The following AUTS2 variants were observed in gnomAD, a reference collection of about 807,000 sequenced individuals.
The protein encoded by AUTS2 is autism susceptibility gene 2 protein.
A neutral mutation model predicts 112.4 loss-of-function variants in AUTS2; 17 were observed. The observed-to-expected ratio is 0.15, with a 90% CI of 0.10 to 0.23. The LOEUF (loss-of-function observed/expected upper bound fraction) is 0.23. AUTS2 is among the 10% of genes least tolerant of loss of function. The pLI is 1.00. For synonymous variants in AUTS2, 751 were observed against 702.7 expected (o/e 1.07, Z -1.09); for missense variants, 1,510 against 1,701.6 (o/e 0.89, Z 1.98).
chr7:70,519,815 T>A (rs970486656), intron 5 of AUTS2, among the ~76,000 whole-genome samples: 3 of 152,114 alleles, frequency 2.0e-5, no homozygotes, highest in Non-Finnish European at 2.9e-5. Context: ...CAGCTTCTAC[T>A]TGATTGGGTG....
intron 4 of AUTS2, among the ~76,000 whole-genome samples, chr7:70,355,791 C>G (rs977504349): frequency 1.7e-4 from 26 of 152,094 alleles, no homozygotes; most frequent in African/African-American, 6.0e-4. Flanking sequence ...TATTCTCAAC[C>G]TAAAAAAAGA....
chr7:69,706,340 C>T (rs1196598464), intron 1 of AUTS2, among the ~76,000 whole-genome samples: 5 of 152,084 alleles, frequency 3.3e-5, no homozygotes, highest in Admixed American at 6.5e-5. Context: ...TGTTGGAGGG[C>T]CCAGGGAATA....
At chr7:70,740,470 T>C (rs1383779195) in intron 6 of AUTS2, among the ~76,000 whole-genome samples, 1 of 152,186 alleles carries the variant, frequency 6.6e-6, no homozygotes, top group Non-Finnish European at 1.5e-5. Flanking sequence ...TATGGCTCTT[T>C]ATGTCTTTCC....
chr7:69,819,071 G>A (rs1790877971), intron 1 of AUTS2, among the ~76,000 whole-genome samples: 1 of 152,180 alleles, frequency 6.6e-6, no homozygotes, highest in Non-Finnish European at 1.5e-5. Context: ...GTGTGCCTGA[G>A]TTTTGTGGAA....
chr7:70,022,109 C>A (rs972484176), intron 2 of AUTS2, among the ~76,000 whole-genome samples: 8 of 148,750 alleles, frequency 5.4e-5, no homozygotes, highest in African/African-American at 2.0e-4. Flanking sequence ...TAAGAAGAGG[C>A]TACTAGATGA....
At chr7:70,096,057 C>G (rs886194661) in intron 2 of AUTS2, among the ~76,000 whole-genome samples, 2 of 152,178 alleles carry the variant, frequency 1.3e-5, no homozygotes, top group Non-Finnish European at 2.9e-5. Context: ...ACCTACCCTT[C>G]TCTCCAGCTG....
At chr7:69,924,490 G>C (rs1795927863) in intron 2 of AUTS2, among the ~76,000 whole-genome samples, 1 of 150,814 alleles carries the variant, frequency 6.6e-6, no homozygotes, top group Non-Finnish European at 1.5e-5. Context: ...TCTTAGAAGA[G>C]TTTGTGTAGA....
intron 5 of AUTS2, among the ~76,000 whole-genome samples, chr7:70,627,778 G>A (rs1805027105): frequency 6.6e-6 from 1 of 152,204 alleles, no homozygotes; most frequent in Non-Finnish European, 1.5e-5. Context: ...TTTACTAGAT[G>A]TGCATTTAGC....
intron 5 of AUTS2, among the ~76,000 whole-genome samples, chr7:70,445,046 A>G (rs556792011): frequency 6.6e-6 from 1 of 152,222 alleles, no homozygotes; most frequent in Non-Finnish European, 1.5e-5. Flanking sequence ...AGAACATTGC[A>G]TTATTCAAAA....
rs372075336 is a variant in AUTS2, at chr7:70,000,973, A to G, written c.522+101475A>G. 9.8e-5 allele frequency among the ~76,000 whole-genome samples: 15 copies of G among 152,324 alleles called. No individual in the cohort carries two copies. The South Asian group carries it at 2.7e-3, about 27-fold the overall frequency. ...GCATTCAACCCAGCCTTCTGCCAGG[A>G]TGGTTCTGCCTGGCAGCAAAAAGCC... is the stretch of plus-strand genomic sequence containing the variant. On this transcript the variant is annotated intron_variant, in intron 2 of 18. Transcript: ENST00000342771.
At chr7:70,121,245 T>G (rs925395048) in intron 3 of AUTS2, among the ~76,000 whole-genome samples, 3 of 152,144 alleles carry the variant, frequency 2.0e-5, no homozygotes, top group African/African-American at 7.2e-5. Flanking sequence ...CATAAAACTC[T>G]TAGAAGAAAA....
intron 1 of AUTS2, among the ~76,000 whole-genome samples, chr7:69,616,489 C>T (rs1793381649): frequency 6.6e-6 from 1 of 152,084 alleles, no homozygotes; most frequent in Non-Finnish European, 1.5e-5. Flanking sequence ...CCCCCTGAAT[C>T]CTGCCCTTTG....
chr7:70,771,475 A>G (rs550788702), intron 10 of AUTS2, 74 bp from the exon 11 acceptor site: 8 of 1,290,362 alleles, frequency 6.2e-6, no homozygotes, highest in African/African-American at 1.5e-5. Context: ...ATGTCTTTCT[A>G]TGGGACGGGA....
chr7:70,642,033 A>G (rs1285235621), intron 5 of AUTS2, among the ~76,000 whole-genome samples: 2 of 152,214 alleles, frequency 1.3e-5, no homozygotes, highest in Admixed American at 6.5e-5. Context: ...GTGTCTATTT[A>G]TGGAATTCTG....
chr7:69,884,652 G>A (rs904266205), intron 1 of AUTS2, among the ~76,000 whole-genome samples: 2 of 152,128 alleles, frequency 1.3e-5, no homozygotes. Context: ...CTATCTATAG[G>A]AAGCTTTGGC....
chr7:70,530,995 G>A (rs1408224631), intron 5 of AUTS2, among the ~76,000 whole-genome samples: 1 of 152,176 alleles, frequency 6.6e-6, no homozygotes, highest in Non-Finnish European at 1.5e-5. Context: ...AAGTAGGCAG[G>A]CCTCATGGAT....
chr7:70,191,229 G>T (rs570377296), intron 4 of AUTS2, among the ~76,000 whole-genome samples: 55 of 141,264 alleles, frequency 3.9e-4, no homozygotes, highest in Admixed American at 6.1e-4. Context: ...GTGCAGTGGC[G>T]CAATCTCGGC....
intron 1 of AUTS2, among the ~76,000 whole-genome samples, chr7:69,883,476 A>G (rs774512446): frequency 6.6e-6 from 1 of 152,178 alleles, no homozygotes; most frequent in Non-Finnish European, 1.5e-5. Flanking sequence ...CAGCGTCAGC[A>G]TCTTGTTTCC....
intron 5 of AUTS2, among the ~76,000 whole-genome samples, chr7:70,466,199 G>C (rs540931212): frequency 1.1e-4 from 16 of 152,102 alleles, no homozygotes; most frequent in Non-Finnish European, 4.4e-5. Flanking sequence ...AGAAGAAGAA[G>C]CACTTCTTGA....
Sources: allele counts gnomAD v4.1 joint callset (sites outside exome capture counted in the v4.1 genomes callset), GRCh38; gene constraint gnomAD v4.1.1; transcripts MANE v1.5; gene names NCBI Gene and HGNC (gene_info 2026-07-23, HGNC 2026-07-21).